PCDHA13: variants seen among roughly 807,000 people sequenced by gnomAD.
PCDHA13 encodes the protein protocadherin alpha-13.
PCDHA13 carries 54 observed loss-of-function variants against 64.8 expected under a neutral mutation model. The observed-to-expected ratio is 0.83, with a 90% CI of 0.67 to 1.04. PCDHA13 has a LOEUF of 1.04. Among genes scored for constraint, PCDHA13 ranks in the 50% least tolerant of loss-of-function variants. The pLI, the probability that PCDHA13 is intolerant of heterozygous loss-of-function variation, is 0.00. For synonymous variants in PCDHA13, 587 were observed against 564.4 expected (o/e 1.04, Z -0.57); for missense variants, 1,248 against 1,254.3 (o/e 0.99, Z 0.08).
intron 2 of PCDHA13, among the ~76,000 whole-genome samples, chr5:140,979,906 C>T (rs190577549): frequency 1.8e-4 from 27 of 152,204 alleles, no homozygotes; most frequent in African/African-American, 5.5e-4. Context: ...TAGATCAGTT[C>T]GTAAAGAGAA....
chr5:140,982,663 A>G (rs2096995052), intron 3 of PCDHA13, 100 bp downstream of exon 3: 5 of 1,473,648 alleles, frequency 3.4e-6, no homozygotes, highest in Admixed American at 2.6e-5. Context: ...TTTTTCTTTT[A>G]TATTTTTGTT....
rs554450758 is a variant in PCDHA13, at chr5:140,895,787, C to T, written c.2394+11125C>T. On this transcript the variant is annotated intron_variant, in intron 1 of 3. Coordinates refer to ENST00000289272, the MANE Select transcript of PCDHA13 (RefSeq NM_018904.3). ...TTTATGGCTGCATAGTATTCAATGA[C>T]GTATATGTACAATACTGTATTGTAT... 8.5e-5 allele frequency among the ~76,000 whole-genome samples: 13 copies of T among 152,124 alleles called. No homozygotes were observed. The South Asian group carries it at 2.1e-3, about 24-fold the overall frequency.
chr5:140,990,136 A>C (rs996616541), intron 3 of PCDHA13, among the ~76,000 whole-genome samples: 1 of 152,198 alleles, frequency 6.6e-6, no homozygotes, highest in African/African-American at 2.4e-5. Context: ...GTCAGACTCA[A>C]GAGGCATAAT....
intron 1 of PCDHA13, among the ~76,000 whole-genome samples, chr5:140,920,909 C>A (rs2079923809): frequency 6.6e-6 from 1 of 151,058 alleles, no homozygotes; most frequent in Admixed American, 6.6e-5. Context: ...GTTCTCAAAT[C>A]AGTTCCAAGA....
At chr5:140,903,927 G>A (rs1202330297) in intron 1 of PCDHA13, among the ~76,000 whole-genome samples, 1 of 152,158 alleles carries the variant, frequency 6.6e-6, no homozygotes, top group Non-Finnish European at 1.5e-5. Context: ...TGCTGCATTG[G>A]ATAATACCTC....
intron 1 of PCDHA13, among the ~76,000 whole-genome samples, chr5:140,925,082 AAAGG>A (rs138596875): frequency 0.022 from 3,184 of 147,344 alleles, 79 homozygotes; most frequent in African/African-American, 0.064. Flanking sequence ...GCTCATCTGG[AAAGG>A]AAGGAAGGAA....
intron 1 of PCDHA13, among the ~76,000 whole-genome samples, chr5:140,950,457 A>C (rs1392302571): frequency 6.6e-6 from 1 of 152,048 alleles, no homozygotes; most frequent in Non-Finnish European, 1.5e-5. Flanking sequence ...ACTGTCTTCT[A>C]ATGCTCATAG....
chr5:140,892,580 A>C (rs1462175198), intron 1 of PCDHA13, among the ~76,000 whole-genome samples: 2 of 152,198 alleles, frequency 1.3e-5, no homozygotes, highest in Admixed American at 1.3e-4. Context: ...AGTATATCTC[A>C]GTATTCATTC....
intron 1 of PCDHA13, among the ~76,000 whole-genome samples, chr5:140,887,345 C>A (rs1286436995): frequency 6.6e-6 from 1 of 152,140 alleles, no homozygotes; most frequent in Non-Finnish European, 1.5e-5. Context: ...ATCCACCTGG[C>A]TCGGCCTCCC....
chr5:140,956,522 C>T (rs1043265748), intron 1 of PCDHA13, among the ~76,000 whole-genome samples: 14 of 152,116 alleles, frequency 9.2e-5, no homozygotes, highest in Non-Finnish European at 1.9e-4. Flanking sequence ...GGTGAATAAG[C>T]TTTTTGATGT....
chr5:140,925,673 T>TAATAAA (rs2082657999), intron 1 of PCDHA13, among the ~76,000 whole-genome samples: 1 of 146,030 alleles, frequency 6.8e-6, no homozygotes, highest in Non-Finnish European at 1.5e-5. Context: ...ATAATAATAA[T>TAATAAA]AATAAAGCGA....
intron 3 of PCDHA13, among the ~76,000 whole-genome samples, chr5:141,007,567 CA>C (rs1489201842): frequency 6.6e-6 from 1 of 151,954 alleles, no homozygotes; most frequent in Non-Finnish European, 1.5e-5. Flanking sequence ...GGCTCTATCT[CA>C]AATTTAAAAA....
At chr5:140,921,437 G>A (rs2080219286) in intron 1 of PCDHA13, among the ~76,000 whole-genome samples, 1 of 151,992 alleles carries the variant, frequency 6.6e-6, no homozygotes, top group South Asian at 2.1e-4. Context: ...TTTCTTCAAT[G>A]GTGTCTGAAA....
chr5:140,983,711 G>C (rs2097062291), intron 3 of PCDHA13, among the ~76,000 whole-genome samples: 1 of 152,202 alleles, frequency 6.6e-6, no homozygotes, highest in Non-Finnish European at 1.5e-5. Context: ...AGTATATCTA[G>C]CACTTATATT....
At chr5:141,005,944 C>T (rs1563696119) in intron 3 of PCDHA13, among the ~76,000 whole-genome samples, 1 of 151,862 alleles carries the variant, frequency 6.6e-6, no homozygotes, top group African/African-American at 2.4e-5. Context: ...GAGAACCTAT[C>T]TCTAACAAAC....
chr5:140,911,405 C>T (rs565928237), intron 1 of PCDHA13, among the ~76,000 whole-genome samples: 45 of 152,276 alleles, frequency 3.0e-4, no homozygotes, highest in South Asian at 1.5e-3. Flanking sequence ...AGGTCAGCCA[C>T]TGGTATGATA....
chr5:140,927,564 G>A (rs868927450), intron 1 of PCDHA13: 1 of 1,614,150 alleles, frequency 6.2e-7, no homozygotes, highest in South Asian at 1.1e-5. Context: ...TCATTGTGGT[G>A]GACACAAATG....
intron 1 of PCDHA13, among the ~76,000 whole-genome samples, chr5:140,896,646 G>C (rs1330006792): frequency 6.6e-6 from 1 of 152,078 alleles, no homozygotes; most frequent in Non-Finnish European, 1.5e-5. Flanking sequence ...CAAAGTGCTA[G>C]TATTACAGGC....
intron 1 of PCDHA13, among the ~76,000 whole-genome samples, chr5:140,940,027 G>A (rs1554213088): frequency 6.6e-6 from 1 of 152,058 alleles, no homozygotes; most frequent in Non-Finnish European, 1.5e-5. Context: ...TATGTTTTAA[G>A]GCTATTTTAT....
Sources: gnomAD v4.1 joint callset for allele counts (sites outside exome capture counted in the v4.1 genomes callset) on GRCh38, gnomAD v4.1.1 for gene constraint, MANE v1.5 for transcripts, NCBI Gene and HGNC (gene_info 2026-07-23, HGNC 2026-07-21) for gene names.